Variants in CDH8 observed in about 807,000 individuals in gnomAD.
CDH8 encodes the protein cadherin 8.
In CDH8, 17 loss-of-function variants were observed where a neutral mutation model predicts 68.1. The observed-to-expected ratio is 0.25, with a 90% CI of 0.17 to 0.37. The LOEUF (loss-of-function observed/expected upper bound fraction) is 0.37. Ranked by LOEUF, CDH8 falls within the 10% of genes least tolerant of loss-of-function variation. The pLI, the probability that CDH8 is intolerant of heterozygous loss-of-function variation, is 1.00. For missense variants in CDH8, 763 were observed against 999.3 expected, an observed-to-expected ratio of 0.76 and a Z score of 3.19; for synonymous variants, 372 against 365.1, an observed-to-expected ratio of 1.02 and a Z score of -0.21.
intron 9 of CDH8, among the ~76,000 whole-genome samples, chr16:61,723,274 C>T (rs1165190311): frequency 6.6e-6 from 1 of 150,592 alleles, no homozygotes; most frequent in Admixed American, 6.6e-5. Flanking sequence ...ATTTTTCCTT[C>T]GTGTTTGGTT....
intron 8 of CDH8, among the ~76,000 whole-genome samples, chr16:61,730,172 C>T (rs1401798838): frequency 6.6e-6 from 1 of 151,432 alleles, no homozygotes; most frequent in African/African-American, 2.4e-5. Context: ...AGATGACCAA[C>T]AGGTGGCAAA....
intron 10 of CDH8, among the ~76,000 whole-genome samples, chr16:61,711,246 A>G (rs1468538120): frequency 6.6e-6 from 1 of 151,866 alleles, no homozygotes; most frequent in Non-Finnish European, 1.5e-5. Context: ...AATCCATATA[A>G]GAGACAAGAA....
intron 10 of CDH8, among the ~76,000 whole-genome samples, chr16:61,675,821 A>G (rs552841311): frequency 5.3e-5 from 8 of 151,382 alleles, no homozygotes; most frequent in Non-Finnish European, 1.2e-4. Flanking sequence ...AAGTAGTATA[A>G]TATTACTTGA....
At chr16:61,660,449 C>A (rs1963533190) in intron 10 of CDH8, among the ~76,000 whole-genome samples, 1 of 151,656 alleles carries the variant, frequency 6.6e-6, no homozygotes. Context: ...GAGAAATAAG[C>A]AGAGCCTCAA....
intron 8 of CDH8, among the ~76,000 whole-genome samples, chr16:61,755,565 T>G (rs1960290685): frequency 6.6e-6 from 1 of 152,134 alleles, no homozygotes; most frequent in Admixed American, 6.6e-5. Flanking sequence ...AAAGTTTACA[T>G]AAATTTCAAA....
At chr16:61,877,205 A>T (rs542280976) in intron 3 of CDH8, among the ~76,000 whole-genome samples, 1 of 152,264 alleles carries the variant, frequency 6.6e-6, no homozygotes, top group South Asian at 2.1e-4. Context: ...CACCATAAAG[A>T]AATTGTTTCA....
intron 8 of CDH8, among the ~76,000 whole-genome samples, chr16:61,773,463 A>T (rs1318238507): frequency 6.6e-6 from 1 of 152,138 alleles, no homozygotes; most frequent in African/African-American, 2.4e-5. Context: ...TCCTATCTGT[A>T]CTGGTATTTG....
At chr16:61,739,470 T>C (rs1959797603) in intron 8 of CDH8, among the ~76,000 whole-genome samples, 1 of 151,932 alleles carries the variant, frequency 6.6e-6, no homozygotes, top group Admixed American at 6.6e-5. Flanking sequence ...CAGATCAAAA[T>C]GAAGATTTTT....
At chr16:61,966,474 G>A (rs1490274358) in intron 2 of CDH8, among the ~76,000 whole-genome samples, 1 of 151,986 alleles carries the variant, frequency 6.6e-6, no homozygotes, top group Non-Finnish European at 1.5e-5. Flanking sequence ...GGAGGCGGAG[G>A]TTGCAGTGAG....
At position 61,745,829 on chromosome 16, in the gene CDH8, C is replaced by T. The variant is rs549434671; in HGVS notation, c.1415-18614G>A. Among the ~76,000 whole-genome samples, 3 of 151,946 alleles carry T rather than the reference C, an allele frequency of 2.0e-5. No individual in the cohort carries two copies. The East Asian group carries it at 5.8e-4, about 29-fold the overall frequency. On this transcript the variant is annotated intron_variant, in intron 8 of 11. Transcript: ENST00000577390. Reference sequence around the variant, plus strand: ...ATATATGCATCATTTGGATGTTTTTCTATTGTCTTTTTTCTGACTGTTGCA... The same window carrying T: ...ATATATGCATCATTTGGATGTTTTTTTATTGTCTTTTTTCTGACTGTTGCA...
At chr16:61,960,683 G>C (rs1965138745) in intron 2 of CDH8, among the ~76,000 whole-genome samples, 1 of 151,912 alleles carries the variant, frequency 6.6e-6, no homozygotes, top group Admixed American at 6.6e-5. Flanking sequence ...CATTCAGTTT[G>C]CTTACCTGTT....
chr16:61,863,807 C>T (rs1192040475), intron 3 of CDH8, among the ~76,000 whole-genome samples: 3 of 152,154 alleles, frequency 2.0e-5, no homozygotes, highest in African/African-American at 7.2e-5. Context: ...TGCTAGTTAT[C>T]CTGTTCCAAG....
At chr16:61,970,928 C>G (rs1454958989) in intron 2 of CDH8, among the ~76,000 whole-genome samples, 1 of 152,134 alleles carries the variant, frequency 6.6e-6, no homozygotes, top group Non-Finnish European at 1.5e-5. Context: ...TGATTTGTTC[C>G]TTCCCCACCC....
intron 2 of CDH8, among the ~76,000 whole-genome samples, chr16:62,014,084 A>G (rs1169455708): frequency 6.6e-6 from 1 of 152,136 alleles, no homozygotes; most frequent in East Asian, 1.9e-4. Flanking sequence ...GTCTGGAGCT[A>G]CAGGAAAAAA....
intron 4 of CDH8, among the ~76,000 whole-genome samples, chr16:61,853,524 T>G (rs1196368885): frequency 1.3e-5 from 2 of 152,096 alleles, no homozygotes; most frequent in Non-Finnish European, 2.9e-5. Context: ...TGACCCTTGA[T>G]AGTATGCCAG....
chr16:61,730,726 G>A (rs1008137853), intron 8 of CDH8, among the ~76,000 whole-genome samples: 7 of 151,496 alleles, frequency 4.6e-5, no homozygotes, highest in African/African-American at 1.7e-4. Context: ...GAAAAGTTAA[G>A]CAAAATAAAA....
chr16:61,752,627 T>A (rs977914593), intron 8 of CDH8, among the ~76,000 whole-genome samples: 1 of 152,192 alleles, frequency 6.6e-6, no homozygotes, highest in Non-Finnish European at 1.5e-5. Context: ...GACAGTCTGA[T>A]GTATTTTTCT....
At chr16:61,705,337 GA>G (rs1349938212) in intron 10 of CDH8, among the ~76,000 whole-genome samples, 1 of 152,116 alleles carries the variant, frequency 6.6e-6, no homozygotes, top group Non-Finnish European at 1.5e-5. Context: ...CCATGCATAG[GA>G]GCTGGTAAAG....
chr16:61,948,814 G>A (rs1465376841), intron 2 of CDH8, among the ~76,000 whole-genome samples: 2 of 152,118 alleles, frequency 1.3e-5, no homozygotes, highest in Admixed American at 6.5e-5. Flanking sequence ...AAAATAGAAA[G>A]TAATCTGTAA....
Sources: gnomAD v4.1 joint callset for allele counts (sites outside exome capture counted in the v4.1 genomes callset) on GRCh38, gnomAD v4.1.1 for gene constraint, MANE v1.5 for transcripts, NCBI Gene and HGNC (gene_info 2026-07-23, HGNC 2026-07-21) for gene names.